Variants in ATRNL1 observed in about 807,000 individuals in gnomAD.
ATRNL1 encodes attractin-like protein 1.
In ATRNL1, 95 loss-of-function variants were observed where a neutral mutation model predicts 182.7. That is an observed-to-expected ratio of 0.52 (90% CI 0.44 to 0.62). The LOEUF (loss-of-function observed/expected upper bound fraction) is 0.62, where lower values mean the gene tolerates loss of function less well. ATRNL1 is among the 20% of genes least tolerant of loss of function. ATRNL1 has a pLI of 0.00. For missense variants in ATRNL1, 1,471 were observed against 1,679.5 expected, an observed-to-expected ratio of 0.88 and a Z score of 2.17; for synonymous variants, 576 against 568.3, an observed-to-expected ratio of 1.01 and a Z score of -0.19.
chr10:115,621,276 T>TATATATATAGAGAGAGAGAGAG (rs1268020830), intron 26 of ATRNL1, among the ~76,000 whole-genome samples: 11 of 47,580 alleles, frequency 2.3e-4, no homozygotes, highest in African/African-American at 6.6e-4. Flanking sequence ...TATATATATA[T>TATATATATAGAGAGAGAGAGAG]AGAGAGAGAG....
intron 27 of ATRNL1, among the ~76,000 whole-genome samples, chr10:115,823,456 G>A (rs112516905): frequency 6.6e-6 from 1 of 152,066 alleles, no homozygotes. Context: ...AGAAATAAAG[G>A]GTATTCAATT....
intron 26 of ATRNL1, among the ~76,000 whole-genome samples, chr10:115,558,601 A>G (rs1386904099): frequency 1.3e-5 from 2 of 151,998 alleles, no homozygotes; most frequent in East Asian, 1.9e-4. Context: ...AGTTTTAGGA[A>G]GTTTGTATTA....
chr10:115,379,048 A>C (rs1338697319), intron 19 of ATRNL1, among the ~76,000 whole-genome samples: 1 of 152,110 alleles, frequency 6.6e-6, no homozygotes, highest in Admixed American at 6.5e-5. Flanking sequence ...TTTTATAAAC[A>C]ACTTCTTTCA....
At chr10:115,425,979 C>G (rs2134393819) in intron 20 of ATRNL1, among the ~76,000 whole-genome samples, 1 of 152,148 alleles carries the variant, frequency 6.6e-6, no homozygotes, top group Admixed American at 6.5e-5. Flanking sequence ...TATATTTCAT[C>G]TGCCTTTTAA....
At chr10:115,749,902 C>T (rs1555070215) in intron 27 of ATRNL1, among the ~76,000 whole-genome samples, 1 of 151,824 alleles carries the variant, frequency 6.6e-6, no homozygotes, top group Non-Finnish European at 1.5e-5. Context: ...TTTGTAAAGT[C>T]GAAGTAAGAA....
chr10:115,254,448 C>T (rs1477443606), intron 10 of ATRNL1, among the ~76,000 whole-genome samples: 1 of 152,146 alleles, frequency 6.6e-6, no homozygotes, highest in African/African-American at 2.4e-5. Flanking sequence ...TGAGAAGTGT[C>T]TGTTCATGTC....
intron 19 of ATRNL1, among the ~76,000 whole-genome samples, chr10:115,363,732 C>A (rs1265164234): frequency 1.3e-5 from 2 of 151,888 alleles, no homozygotes; most frequent in African/African-American, 4.8e-5. Flanking sequence ...CAGCTTTCTA[C>A]ATATGGCTAG....
chr10:115,397,009 GGTATTTGTAC>G (rs1479517937), intron 20 of ATRNL1, among the ~76,000 whole-genome samples: 1 of 151,702 alleles, frequency 6.6e-6, no homozygotes, highest in Non-Finnish European at 1.5e-5. Context: ...TTTTGTAGGT[GGTATTTGTAC>G]ACAGAATTCC....
intron 26 of ATRNL1, among the ~76,000 whole-genome samples, chr10:115,608,112 A>G (rs1335169234): frequency 7.2e-5 from 11 of 152,032 alleles, no homozygotes; most frequent in Non-Finnish European, 1.5e-4. Flanking sequence ...TATATGATAT[A>G]AATTGTCTTT....
At chr10:115,366,878 C>T (rs1554946134) in intron 19 of ATRNL1, among the ~76,000 whole-genome samples, 7 of 142,442 alleles carry the variant, frequency 4.9e-5, no homozygotes, top group East Asian at 2.0e-4. Context: ...GGGTTTCTGC[C>T]GAGAGATCCA....
At chr10:115,430,155 A>G (rs1255984203) in intron 21 of ATRNL1, among the ~76,000 whole-genome samples, 3 of 152,222 alleles carry the variant, frequency 2.0e-5, no homozygotes, top group Non-Finnish European at 4.4e-5. Flanking sequence ...AACAATTGCT[A>G]TCTTCTTTTA....
intron 28 of ATRNL1, among the ~76,000 whole-genome samples, chr10:115,867,357 T>G (rs1951462767): frequency 1.3e-5 from 2 of 152,236 alleles, no homozygotes; most frequent in African/African-American, 4.8e-5. Flanking sequence ...AACTAACTGC[T>G]TAAGCATTAA....
chr10:115,621,712 A>G (rs1555022999), intron 26 of ATRNL1, among the ~76,000 whole-genome samples: 1 of 152,200 alleles, frequency 6.6e-6, no homozygotes, highest in Non-Finnish European at 1.5e-5. Context: ...CTGGAATGCC[A>G]TTAGAACTTG....
chr10:115,164,173 T>C (rs1246308289), intron 6 of ATRNL1, among the ~76,000 whole-genome samples: 1 of 152,216 alleles, frequency 6.6e-6, no homozygotes, highest in Non-Finnish European at 1.5e-5. Context: ...AATTTGGGAC[T>C]TCAGTTTTCA....
At chr10:115,422,323 A>G (rs1236711575) in intron 20 of ATRNL1, among the ~76,000 whole-genome samples, 2 of 152,172 alleles carry the variant, frequency 1.3e-5, no homozygotes, top group Admixed American at 6.6e-5. Flanking sequence ...TAGAATCTAT[A>G]TGGAACTTAA....
At chr10:115,380,232 G>A (rs1857921298) in intron 19 of ATRNL1, among the ~76,000 whole-genome samples, 1 of 152,146 alleles carries the variant, frequency 6.6e-6, no homozygotes, top group African/African-American at 2.4e-5. Flanking sequence ...ATATGGAGAT[G>A]TGTGTATTTA....
At chr10:115,781,896 T>C (rs960801116) in intron 27 of ATRNL1, among the ~76,000 whole-genome samples, 17 of 152,188 alleles carry the variant, frequency 1.1e-4, no homozygotes, top group Admixed American at 4.6e-4. Flanking sequence ...TGGGTAATTA[T>C]GGTCAGCTGT....
chr10:115,392,847 T>C (rs1844097214), intron 19 of ATRNL1, among the ~76,000 whole-genome samples: 1 of 152,168 alleles, frequency 6.6e-6, no homozygotes, highest in South Asian at 2.1e-4. Context: ...GGTCAGAATA[T>C]TAAGTAGATG....
At chr10:115,309,907 G>A (rs1554927335) in intron 17 of ATRNL1, among the ~76,000 whole-genome samples, 1 of 152,086 alleles carries the variant, frequency 6.6e-6, no homozygotes, top group East Asian at 1.9e-4. Context: ...AGTGACGAAA[G>A]TGGGCCTACC....
Sources: allele counts gnomAD v4.1 joint callset (sites outside exome capture counted in the v4.1 genomes callset), GRCh38; gene constraint gnomAD v4.1.1; transcripts MANE v1.5; gene names NCBI Gene and HGNC (gene_info 2026-07-23, HGNC 2026-07-21).